The following PCDHA11 variants were observed in gnomAD, a reference collection of about 807,000 sequenced individuals.
PCDHA11 encodes protocadherin alpha 11.
Under a neutral mutation model 70.3 loss-of-function variants are expected in PCDHA11, and 61 were observed. That is an observed-to-expected ratio of 0.87 (90% CI 0.71 to 1.07). PCDHA11 has a LOEUF of 1.07. Among genes scored for constraint, PCDHA11 ranks in the 50% least tolerant of loss-of-function variants. PCDHA11 has a pLI of 0.00. For synonymous variants in PCDHA11, 633 were observed against 555.1 expected, an observed-to-expected ratio of 1.14 and a Z score of -1.97; for missense variants, 1,324 against 1,237.5, an observed-to-expected ratio of 1.07 and a Z score of -1.05.
rs34601225 is a variant in PCDHA11 at position 140,870,876 on chromosome 5, GA to G, written c.1775del (p.Lys592ArgfsTer39). 6.2e-7 allele frequency: 1 copy of G among 1,613,958 alleles called. No individual in the cohort carries two copies. Among genetic ancestry groups the G allele is most frequent in the Non-Finnish European group, 8.5e-7 (1 of 1,179,912 alleles). On this transcript the variant is annotated frameshift_variant, in exon 1 of 4. Coordinates refer to ENST00000398640, the MANE Select transcript of PCDHA11 (RefSeq NM_018902.5). LOFTEE classifies it high-confidence loss of function. ...RSVGAGHVVAKVRAVDADSGY... is the reference protein window; with the variant it reads ...RSVGAGHVVAXVRAVDADSGY... Reference sequence around the variant, plus strand: ...CGGTGGGTGCGGGCCACGTGGTGGCGAAGGTGCGCGCAGTGGATGCGGACTC... The same window carrying G: ...CGGTGGGTGCGGGCCACGTGGTGGCGAGGTGCGCGCAGTGGATGCGGACTC...
chr5:140,998,321 G>A lies in PCDHA11; in HGVS notation c.2540-11306G>A, dbSNP rs79793895. On this transcript the variant is annotated intron_variant, in intron 3 of 3. Coordinates refer to ENST00000398640, the MANE Select transcript of PCDHA11 (RefSeq NM_018902.5). ...TTTAGTAAGGGCACCAGGATCTGAA[G>A]CAGGATTGTTTGACTTCTGAGTCTG... is the stretch of plus-strand genomic sequence containing the variant. 9.8e-3 allele frequency among the ~76,000 whole-genome samples: 1,493 copies of A among 152,278 alleles called. 32 individuals carry two copies. The highest frequency in any genetic ancestry group is 0.034 in the African/African-American group (1,408 of 41,548).
intron 1 of PCDHA11, chr5:140,884,452 C>G (rs1203873823): frequency 6.2e-7 from 1 of 1,613,664 alleles, no homozygotes; most frequent in African/African-American, 1.3e-5. Context: ...CACCGCCCAC[C>G]GAGGGCGCGT....
chr5:140,984,599 C>T (rs1415361733), intron 3 of PCDHA11, among the ~76,000 whole-genome samples: 1 of 152,162 alleles, frequency 6.6e-6, no homozygotes, highest in Non-Finnish European at 1.5e-5. Context: ...TCAATACATA[C>T]CTCTGCATCA....
intron 1 of PCDHA11, among the ~76,000 whole-genome samples, chr5:140,915,255 A>G (rs2077044659): frequency 6.6e-6 from 1 of 152,018 alleles, no homozygotes; most frequent in African/African-American, 2.4e-5. Flanking sequence ...CCAGGTTGTT[A>G]TTATTTTTGA....
chr5:141,001,792 T>C (rs1442216091), intron 3 of PCDHA11, among the ~76,000 whole-genome samples: 3 of 152,192 alleles, frequency 2.0e-5, no homozygotes, highest in African/African-American at 7.2e-5. Context: ...AGCCTGAGTA[T>C]ATACTATCAT....
At chr5:140,899,841 T>C (rs2067584927) in intron 1 of PCDHA11, among the ~76,000 whole-genome samples, 1 of 152,208 alleles carries the variant, frequency 6.6e-6, no homozygotes, top group Non-Finnish European at 1.5e-5. Flanking sequence ...CAGGTCTTGC[T>C]GTGTCACCCA....
At chr5:140,971,968 A>G (rs1049886222) in intron 1 of PCDHA11, among the ~76,000 whole-genome samples, 3 of 152,124 alleles carry the variant, frequency 2.0e-5, no homozygotes, top group Non-Finnish European at 4.4e-5. Flanking sequence ...CTTTTTTTCA[A>G]TACTATGAGT....
chr5:140,974,309 TGA>T (rs1190034770), intron 1 of PCDHA11, among the ~76,000 whole-genome samples: 4 of 152,212 alleles, frequency 2.6e-5, no homozygotes, highest in South Asian at 4.1e-4. Context: ...CAACTGTGAG[TGA>T]GAGAGTAGCT....
At chr5:140,940,965 A>G (rs2092710706) in intron 1 of PCDHA11, among the ~76,000 whole-genome samples, 1 of 152,226 alleles carries the variant, frequency 6.6e-6, no homozygotes, top group Admixed American at 6.5e-5. Context: ...AATATGCAGG[A>G]TATCTGGTAT....
intron 1 of PCDHA11, chr5:140,878,103 GA>G (rs748975221): frequency 2.9e-4 from 75 of 261,846 alleles, no homozygotes; most frequent in African/African-American, 1.3e-3. Context: ...GATGAACCTT[GA>G]AAAAAACAGT....
chr5:140,890,128 G>T (rs1402157838), intron 1 of PCDHA11, among the ~76,000 whole-genome samples: 2 of 152,156 alleles, frequency 1.3e-5, no homozygotes, highest in East Asian at 3.9e-4. Context: ...CACTTTGGTA[G>T]CTTGAAATTG....
chr5:140,877,572 C>T (rs2057210526), intron 1 of PCDHA11: 6 of 1,613,784 alleles, frequency 3.7e-6, no homozygotes, highest in Non-Finnish European at 4.2e-6. Flanking sequence ...ACGTGTACCT[C>T]ATCATCGCCA....
rs75377875 is a variant in PCDHA11 at position 140,902,598 on chromosome 5, C to T, written c.2391+31104C>T. The stretch of plus-strand genomic sequence containing the variant: ...ATTTCAATAGTTTTGGGAAACAGGT[C>T]GTTTTCAGTTACATGGGTAAGTTAT... On this transcript the variant is annotated intron_variant, in intron 1 of 3. Coordinates refer to ENST00000398640, the MANE Select transcript of PCDHA11 (RefSeq NM_018902.5). Among the ~76,000 whole-genome samples, 274 of 152,044 alleles carry T rather than the reference C, an allele frequency of 1.8e-3. 4 individuals are homozygous for T. In the East Asian group the frequency reaches 0.048, roughly 27 times the overall value.
Position 140,959,507 on chromosome 5 carries a change from T to C in PCDHA11, c.2392-19442T>C, listed in dbSNP as rs144994756. 4.4e-3 allele frequency among the ~76,000 whole-genome samples: 673 copies of C among 152,282 alleles called. 7 individuals are homozygous for C. Among genetic ancestry groups the C allele is most frequent in the African/African-American group, 0.015 (604 of 41,550 alleles). On this transcript the variant is annotated intron_variant, in intron 1 of 3. Coordinates refer to ENST00000398640, the MANE Select transcript of PCDHA11 (RefSeq NM_018902.5). Reference sequence around the variant, plus strand: ...GTTATATATGGATCAAACTAAAAAATTTTAAGATCTTTAAGACCATTAATT... The same window carrying C: ...GTTATATATGGATCAAACTAAAAAACTTTAAGATCTTTAAGACCATTAATT...
chr5:140,916,733 A>G (rs1242424937), intron 1 of PCDHA11, among the ~76,000 whole-genome samples: 1 of 152,146 alleles, frequency 6.6e-6, no homozygotes, highest in Non-Finnish European at 1.5e-5. Flanking sequence ...TTGTTGCTGC[A>G]AGCTTCACTG....
rs1554164130 is a variant in PCDHA11, at chr5:140,870,349, A to G, written c.1246A>G (p.Asn416Asp). The G allele has an allele frequency of 6.2e-7, 1 of 1,614,154 alleles. No homozygotes were observed. The highest frequency in any genetic ancestry group is 8.5e-7 in the Non-Finnish European group (1 of 1,180,010). The change falls in exon 1 of 4, where the codon AAC (asparagine) becomes GAC (aspartate). Residue 416 changes from asparagine to aspartate, a missense_variant. Asn to Asp is a conservative substitution (Grantham distance 23). Transcript: ENST00000398640. The part of the protein sequence containing the change: ...LVLDSALDRE[N>D]VWAYELVVTA... ...GCTGGACAGCGCCCTGGACCGCGAG[A>G]ACGTGTGGGCCTATGAACTGGTGGT...
At chr5:140,911,614 G>C (rs1298073663) in intron 1 of PCDHA11, among the ~76,000 whole-genome samples, 1 of 152,152 alleles carries the variant, frequency 6.6e-6, no homozygotes, top group Non-Finnish European at 1.5e-5. Flanking sequence ...ATGTTCCTTA[G>C]TTCCCCACAT....
In PCDHA11 at chr5:140,967,285, G is replaced by C. The variant is rs150694611; in HGVS notation, c.2392-11664G>C. 6,229 of 1,613,054 alleles carry C rather than the reference G, an allele frequency of 3.9e-3. 11 individuals carry two copies. The highest frequency in any genetic ancestry group is 5.0e-3 in the Non-Finnish European group (5,885 of 1,179,544). On this transcript the variant is annotated intron_variant, in intron 1 of 3. Coordinates refer to ENST00000398640, the MANE Select transcript of PCDHA11 (RefSeq NM_018902.5). Reference sequence around the variant, plus strand: ...CGCGCTTTCACATAGAGAGTGCGCAGGACCCCGACGTGGGCGCCAACTCAG... The same window carrying C: ...CGCGCTTTCACATAGAGAGTGCGCACGACCCCGACGTGGGCGCCAACTCAG...
intron 1 of PCDHA11, among the ~76,000 whole-genome samples, chr5:140,896,201 C>G (rs1583224545): frequency 6.6e-6 from 1 of 152,344 alleles, no homozygotes; most frequent in African/African-American, 2.4e-5. Context: ...CCATGATGAA[C>G]ATACACATAC....
Sources: gnomAD v4.1 joint callset for allele counts (sites outside exome capture counted in the v4.1 genomes callset) on GRCh38, gnomAD v4.1.1 for gene constraint, MANE v1.5 for transcripts, NCBI Gene and HGNC (gene_info 2026-07-23, HGNC 2026-07-21) for gene names.